The following CD163L1 variants were observed in gnomAD, a reference collection of about 807,000 sequenced individuals.
CD163L1 encodes scavenger receptor cysteine-rich type 1 protein M160.
In CD163L1, 124 loss-of-function variants were observed where a neutral mutation model predicts 165.4. The observed-to-expected ratio is 0.75, with a 90% CI of 0.65 to 0.87. CD163L1 has a LOEUF of 0.87. Among genes scored for constraint, CD163L1 ranks in the 40% least tolerant of loss-of-function variants. CD163L1 has a pLI of 0.00. For missense variants in CD163L1, 1,525 were observed against 1,799.9 expected, an observed-to-expected ratio of 0.85 and a Z score of 2.76; for synonymous variants, 585 against 662.2, an observed-to-expected ratio of 0.88 and a Z score of 1.79.
rs778292710 is a variant in CD163L1, at chr12:7,404,233, G to C, written c.1088-378C>G. Among the ~76,000 whole-genome samples the C allele has an allele frequency of 4.6e-5, 7 of 152,140 alleles. No homozygotes were observed. The East Asian group carries it at 1.3e-3, about 29-fold the overall frequency. ...AATTACATTAATTTTCAAAATATTAGAGTGGTTATTTTTAACACCGTAAAA... is the reference window on the plus strand; with the variant it reads ...AATTACATTAATTTTCAAAATATTACAGTGGTTATTTTTAACACCGTAAAA... On this transcript the variant is annotated intron_variant, in intron 5 of 19. Transcript: ENST00000313599.
chr12:7,431,608 G>T (rs139495132), intron 4 of CD163L1, among the ~76,000 whole-genome samples: 25 of 152,026 alleles, frequency 1.6e-4, no homozygotes, highest in East Asian at 1.5e-3. Context: ...GGGCCCGTTG[G>T]GGGGTGGGGG....
chr12:7,393,143 C>A (rs966828230), intron 8 of CD163L1, among the ~76,000 whole-genome samples: 1 of 152,110 alleles, frequency 6.6e-6, no homozygotes, highest in Non-Finnish European at 1.5e-5. Flanking sequence ...AAACCAATAA[C>A]CCTAATGAAC....
At chr12:7,343,133 CAGAA>C (rs1946648471), downstream of CD163L1, among the ~76,000 whole-genome samples, 1 of 151,664 alleles carries the variant, frequency 6.6e-6, no homozygotes, top group Non-Finnish European at 1.5e-5. Flanking sequence ...GAGAAGGAGA[CAGAA>C]AGAAAGAGGA....
chr12:7,367,857 TC>T (rs1361052621), intron 17 of CD163L1, among the ~76,000 whole-genome samples: 3 of 152,270 alleles, frequency 2.0e-5, no homozygotes, highest in African/African-American at 7.2e-5. Context: ...ATCTGACTCA[TC>T]GTCTGTATGG....
chr12:7,324,625 G>A, the CD163L1 span: 1 of 1,607,034 alleles, frequency 6.2e-7, no homozygotes. Flanking sequence ...TATTAAAGAA[G>A]CAACATCATA....
chr12:7,435,304 T>G (rs911069216), intron 2 of CD163L1, among the ~76,000 whole-genome samples: 1 of 151,886 alleles, frequency 6.6e-6, no homozygotes, highest in Non-Finnish European at 1.5e-5. Flanking sequence ...AAGTGAAAAG[T>G]CACAAATGTG....
At chr12:7,341,198 AAG>A in the CD163L1 span, among the ~76,000 whole-genome samples, 1 of 152,154 alleles carries the variant, frequency 6.6e-6, no homozygotes, top group East Asian at 1.9e-4. Context: ...TTAGCTCTAG[AAG>A]CAGTAGAGCT....
At chr12:7,334,145 C>A in the CD163L1 span, among the ~76,000 whole-genome samples, 1 of 151,886 alleles carries the variant, frequency 6.6e-6, no homozygotes, top group African/African-American at 2.4e-5. Context: ...TTTTATGAGG[C>A]CAGCATCATC....
chr12:7,385,759 T>C (rs754364309), intron 8 of CD163L1, among the ~76,000 whole-genome samples: 13 of 152,050 alleles, frequency 8.5e-5, no homozygotes, highest in African/African-American at 3.1e-4. Flanking sequence ...TGAATGATCA[T>C]TGAGTTAATT....
Position 7,369,773 on chromosome 12 carries a change from G to T in CD163L1, c.3731-108C>A. 1.1e-6 allele frequency: 1 copy of T among 920,266 alleles called. No homozygotes were observed. Among genetic ancestry groups the T allele is most frequent in the Non-Finnish European group, 1.7e-6 (1 of 600,566 alleles). 57.0% of individuals were successfully genotyped at this position (920,266 alleles called of 1,614,324 possible). A position where few individuals can be genotyped will look rare whatever the true frequency, so the allele number is the denominator to read the frequency against. ...AAATGTGCTTGATGAATATGGGTGT[G>T]GTAAGGAAGGCAGAATTTCAATGTT... On this transcript the variant is annotated intron_variant, in intron 14 of 19. Transcript: ENST00000313599. The surrounding 1 kb of genome is among the most constrained non-coding windows in gnomAD (Gnocchi z 4.9).
chr12:7,421,420 TAC>T (rs1351498998), intron 4 of CD163L1, among the ~76,000 whole-genome samples: 7 of 114,758 alleles, frequency 6.1e-5, no homozygotes, highest in African/African-American at 2.4e-4. Context: ...AATGTATATA[TAC>T]ATATATGTAC....
the CD163L1 span, among the ~76,000 whole-genome samples, chr12:7,339,705 T>A: frequency 6.6e-6 from 1 of 152,158 alleles, no homozygotes; most frequent in Non-Finnish European, 1.5e-5. Flanking sequence ...AGAGGTTTGA[T>A]TCTGAGCCCC....
intron 4 of CD163L1, among the ~76,000 whole-genome samples, chr12:7,422,751 A>G (rs959640313): frequency 5.6e-5 from 8 of 143,896 alleles, no homozygotes; most frequent in South Asian, 2.2e-4. Context: ...ATATATACAT[A>G]TGTGTGTGTG....
At chr12:7,442,812 T>G (rs1948847437) in intron 1 of CD163L1, among the ~76,000 whole-genome samples, 1 of 152,184 alleles carries the variant, frequency 6.6e-6, no homozygotes, top group Non-Finnish European at 1.5e-5. Flanking sequence ...GTAAGAATGG[T>G]TAGAGCTAAA....
chr12:7,371,140 T>C (rs1947138255), intron 14 of CD163L1, among the ~76,000 whole-genome samples: 1 of 152,226 alleles, frequency 6.6e-6, no homozygotes, highest in Non-Finnish European at 1.5e-5. Context: ...GCCATGATTG[T>C]GAGGCCTCAT....
chr12:7,326,880 T>C, the CD163L1 span: 1 of 1,340,104 alleles, frequency 7.5e-7, no homozygotes, highest in East Asian at 2.6e-5. Context: ...CAAACTGTTA[T>C]TAATAAATAG....
At chr12:7,371,883 A>G (rs1226873660) in intron 14 of CD163L1, among the ~76,000 whole-genome samples, 1 of 151,944 alleles carries the variant, frequency 6.6e-6, no homozygotes, top group Non-Finnish European at 1.5e-5. Flanking sequence ...ATATGAATAT[A>G]TATAAAATAT....
chr12:7,433,760 G>A, intron 2 of CD163L1, 66 bp from the exon 3 acceptor site: 2 of 1,136,314 alleles, frequency 1.8e-6, no homozygotes, highest in South Asian at 1.6e-5. Flanking sequence ...AATATAAGTA[G>A]GTGAGATGGA....
At chr12:7,389,132 T>G (rs1041264213) in intron 8 of CD163L1, among the ~76,000 whole-genome samples, 5 of 152,216 alleles carry the variant, frequency 3.3e-5, no homozygotes, top group African/African-American at 1.2e-4. Flanking sequence ...GCAATAGGAT[T>G]GCTGAATCAC....
Sources: gnomAD v4.1 joint callset for allele counts (sites outside exome capture counted in the v4.1 genomes callset) on GRCh38, gnomAD v4.1.1 for gene constraint, Gnocchi (gnomAD v3.1) non-coding constraint, MANE v1.5 for transcripts, NCBI Gene and HGNC (gene_info 2026-07-23, HGNC 2026-07-21) for gene names.